Variants in PGAP2 observed in about 807,000 individuals in gnomAD.
The protein encoded by PGAP2 is post-GPI attachment to proteins 2.
Under a neutral mutation model 33.2 loss-of-function variants are expected in PGAP2, and 21 were observed. The ratio of observed to expected loss-of-function variants is 0.63; its 90% CI spans 0.45 to 0.91. The LOEUF is 0.91. PGAP2 is among the 40% of genes least tolerant of loss of function. The probability of loss-of-function intolerance (pLI) is 0.00; values close to 1 mark genes in which losing one functional copy is unlikely to be tolerated. For synonymous variants in PGAP2, 161 were observed against 172.9 expected (o/e 0.93, Z 0.54); for missense variants, 345 against 424.0 (o/e 0.81, Z 1.64).
intron 5 of PGAP2, 170 bp downstream of exon 5, chr11:3,824,546 C>A: frequency 2.0e-6 from 2 of 1,008,734 alleles, no homozygotes; most frequent in Non-Finnish European, 3.0e-6. Context: ...GGTGGTTGGT[C>A]AGAATCTAGG....
intron 3 of PGAP2, chr11:3,817,783 A>G (rs373303100): frequency 3.1e-6 from 2 of 642,566 alleles, no homozygotes; most frequent in Non-Finnish European, 2.9e-6. Flanking sequence ...GCAGTGGCTC[A>G]TACCTGTAAT....
intron 5 of PGAP2, 132 bp from the exon 6 acceptor site, chr11:3,824,888 T>C: frequency 6.7e-7 from 1 of 1,489,490 alleles, no homozygotes. Flanking sequence ...TGCCCCTGCC[T>C]GTGCTCCCTT....
rs879534196 is a variant in PGAP2 at position 3,818,057 on chromosome 11, C to CAAAA, written c.348+523_348+526dup. 71 of 150,884 alleles carry CAAAA rather than the reference C, an allele frequency of 4.7e-4. 1 individual carries two copies. Among genetic ancestry groups the CAAAA allele is most frequent in the South Asian group, 1.4e-3 (20 of 14,274 alleles). The allele number at this position is 150,884 out of a possible 1,614,324, so 9.3% of individuals were successfully genotyped here. The stretch of plus-strand genomic sequence containing the variant: ...GTAAAACCCTGTCTCAAAAACAAAA[C>CAAAA]AAAATAAAAAAAAAAAAACAGCAGG... On this transcript the variant is annotated intron_variant, in intron 3 of 6. Transcript: ENST00000278243.
At chr11:3,797,780 C>T (rs1182554534), upstream of PGAP2, 31 of 1,537,084 alleles carry the variant, frequency 2.0e-5, no homozygotes, top group African/African-American at 4.1e-5. Context: ...TCCCGCCCCT[C>T]GCCGCCGCGG....
At chr11:3,801,135 CAAA>C in intron 1 of PGAP2, among the ~76,000 whole-genome samples, 1 of 147,152 alleles carries the variant, frequency 6.8e-6, no homozygotes, top group East Asian at 2.0e-4. Flanking sequence ...AGTCTGTCTT[CAAA>C]AAAAAAAGAA....
At chr11:3,823,019 CTTTTCTT>C in intron 3 of PGAP2, 5 of 385,002 alleles carry the variant, frequency 1.3e-5, no homozygotes, top group South Asian at 5.3e-5. Context: ...TTTCTTTTTT[CTTTTCTT>C]TTTTTTTTTT....
At chr11:3,825,283 TAG>T in intron 6 of PGAP2, 43 bp from the exon 7 acceptor site, 1 of 1,601,016 alleles carries the variant, frequency 6.2e-7, no homozygotes, top group Non-Finnish European at 8.5e-7. Context: ...TCTGAGCGGG[TAG>T]CTGGAAGTTC....
At chr11:3,812,657 C>T (rs2085844530) in intron 2 of PGAP2, among the ~76,000 whole-genome samples, 1 of 152,170 alleles carries the variant, frequency 6.6e-6, no homozygotes, top group African/African-American at 2.4e-5. Flanking sequence ...CCATTGGGGT[C>T]CCTCAGAGTT....
At position 3,822,090 on chromosome 11, in the gene PGAP2, C is replaced by T. The variant is rs1200544212; in HGVS notation, c.349-1793C>T. 5.9e-5 allele frequency among the ~76,000 whole-genome samples: 9 copies of T among 151,762 alleles called. No individual in the cohort carries two copies. In the South Asian group the frequency reaches 1.0e-3, roughly 18 times the overall value. ...CAAAAGCAAAAACAAAACGGCCGGGCGCAGTGGCTCACGTCTGTAATTCCA... is the reference window on the plus strand; with the variant it reads ...CAAAAGCAAAAACAAAACGGCCGGGTGCAGTGGCTCACGTCTGTAATTCCA... On this transcript the variant is annotated intron_variant, in intron 3 of 6. Transcript: ENST00000278243.
intron 1 of PGAP2, among the ~76,000 whole-genome samples, chr11:3,810,209 C>T (rs547315499): frequency 7.9e-5 from 12 of 152,212 alleles, no homozygotes; most frequent in African/African-American, 2.9e-4. Context: ...TTGGTTTTTC[C>T]TTTTCTTCCT....
In PGAP2 at chr11:3,825,725, A is replaced by G. The variant is rs2135108731; in HGVS notation, c.*267A>G. ...CAGAGAGCTCCACCATTTGGTGCTA[A>G]AAAAAAAAACGTCCTGAGGTTCATG... On this transcript the variant is annotated 3_prime_UTR_variant, in exon 7 of 7. Transcript: ENST00000278243. The G allele has an allele frequency of 3.4e-6, 1 of 297,378 alleles. No individual in the cohort carries two copies. The highest frequency in any genetic ancestry group is 6.6e-5 in the East Asian group (1 of 15,242). 18.4% of individuals were successfully genotyped at this position (297,378 alleles called of 1,614,324 possible). A position where few individuals can be genotyped will look rare whatever the true frequency, so the allele number is the denominator to read the frequency against.
chr11:3,812,041 A>G (rs1313116731), intron 2 of PGAP2, among the ~76,000 whole-genome samples: 1 of 151,920 alleles, frequency 6.6e-6, no homozygotes, highest in Non-Finnish European at 1.5e-5. Flanking sequence ...GTACGTGTGT[A>G]TGTGTCCTGG....
chr11:3,809,076 A>G (rs1357123126), intron 1 of PGAP2, among the ~76,000 whole-genome samples: 1 of 152,190 alleles, frequency 6.6e-6, no homozygotes, highest in Non-Finnish European at 1.5e-5. Context: ...CACCTACCTC[A>G]TAGAATTATG....
At chr11:3,813,001 T>C (rs2085932210) in intron 2 of PGAP2, among the ~76,000 whole-genome samples, 1 of 152,230 alleles carries the variant, frequency 6.6e-6, no homozygotes, top group South Asian at 2.1e-4. Context: ...CAGATATTCC[T>C]GTTACGCTAG....
chr11:3,798,099 A>G (rs1371296916), intron 1 of PGAP2: 1 of 1,490,666 alleles, frequency 6.7e-7, no homozygotes, highest in East Asian at 2.6e-5. Context: ...CCCTCTTGGA[A>G]GGTCTGTCTG....
chr11:3,803,780 C>A (rs188496550), upstream of PGAP2, among the ~76,000 whole-genome samples: 77 of 139,338 alleles, frequency 5.5e-4, no homozygotes, highest in African/African-American at 2.0e-3. Context: ...AACGAATTTA[C>A]TGCTATATAT....
intron 5 of PGAP2, chr11:3,824,734 A>G (rs1208313738): frequency 1.5e-5 from 18 of 1,231,050 alleles, no homozygotes; most frequent in Non-Finnish European, 1.6e-5. Flanking sequence ...TTTCCCCCAC[A>G]GTATTTGGAG....
intron 2 of PGAP2, among the ~76,000 whole-genome samples, chr11:3,815,249 CT>C (rs2086735041): frequency 6.6e-6 from 1 of 151,870 alleles, no homozygotes; most frequent in Non-Finnish European, 1.5e-5. Flanking sequence ...CTCCTCGTGG[CT>C]TCAGGTCAGC....
chr11:3,799,628 T>C (rs1345510346), intron 1 of PGAP2, among the ~76,000 whole-genome samples: 2 of 152,020 alleles, frequency 1.3e-5, no homozygotes, highest in Admixed American at 1.3e-4. Context: ...GCCATCTGGG[T>C]TTTCGGTGAT....
Sources: allele counts gnomAD v4.1 joint callset (sites outside exome capture counted in the v4.1 genomes callset), GRCh38; gene constraint gnomAD v4.1.1; transcripts MANE v1.5; gene names NCBI Gene and HGNC (gene_info 2026-07-23, HGNC 2026-07-21).